SEMA6A: variants seen among roughly 807,000 people sequenced by gnomAD.
The protein encoded by SEMA6A is semaphorin-6A.
A neutral mutation model predicts 96.8 loss-of-function variants in SEMA6A; 25 were observed. The ratio of observed to expected loss-of-function variants is 0.26; its 90% CI spans 0.19 to 0.36. The LOEUF (loss-of-function observed/expected upper bound fraction) is 0.36, where lower values mean the gene tolerates loss of function less well. Ranked by LOEUF, SEMA6A falls within the 10% of genes least tolerant of loss-of-function variation. The probability of loss-of-function intolerance (pLI) is 1.00; values close to 1 mark genes in which losing one functional copy is unlikely to be tolerated. For missense variants in SEMA6A, 1,363 were observed against 1,323.1 expected, an observed-to-expected ratio of 1.03 and a Z score of -0.47; for synonymous variants, 612 against 518.0, an observed-to-expected ratio of 1.18 and a Z score of -2.46.
rs527319277 is a variant in SEMA6A, at chr5:116,447,636, C to A, written c.2070G>T (p.Glu690Asp). 1.2e-6 allele frequency: 2 copies of A among 1,613,910 alleles called. No homozygotes were observed. The highest frequency in any genetic ancestry group is 1.3e-5 in the African/African-American group (1 of 74,930). The change falls in exon 19 of 19, where the codon GAG (glutamate) becomes GAT (aspartate). Residue 690 changes from glutamate (E) to aspartate (D), a missense_variant. Glu to Asp is a conservative substitution (Grantham distance 45). Around this residue, in one of 2 missense-constraint regions of SEMA6A, gnomAD observed 883 missense variants for 763.6 expected, o/e 1.16. Transcript: ENST00000343348. ...TGGAGCCCCGGCGCGAGTGGGTGAG[C>A]TCCTTCTCCTTGCGCTGCACCACAG... ...DVAVVQRKEKELTHSRRGSMS... is the reference protein window; with the variant it reads ...DVAVVQRKEKDLTHSRRGSMS...
rs1226849255 is a variant in SEMA6A at position 116,504,936 on chromosome 5, T to C, written c.9A>G (p.Ser3=). The C allele has an allele frequency of 6.3e-7, 1 of 1,594,686 alleles. No homozygotes were observed. Among genetic ancestry groups the C allele is most frequent in the Non-Finnish European group, 8.5e-7 (1 of 1,170,042 alleles). MR[S]EALLLYFTLL... ...GTGTGAAATATAGCAGCAAGGCTTCTGACCTCATAGTAGTTCAGCGGGGAG... is the reference window on the plus strand; with the variant it reads ...GTGTGAAATATAGCAGCAAGGCTTCCGACCTCATAGTAGTTCAGCGGGGAG... Residue 3 remains serine, a synonymous_variant, in exon 2 of 19, where the codon TCA becomes TCG. Coordinates refer to ENST00000343348, the MANE Select transcript of SEMA6A (RefSeq NM_020796.5).
chr5:116,572,997 A>C (rs1441094586), intron 1 of SEMA6A, among the ~76,000 whole-genome samples: 1 of 152,154 alleles, frequency 6.6e-6, no homozygotes, highest in East Asian at 1.9e-4. Flanking sequence ...CGACGTCCAC[A>C]AGCCCGGGAC....
chr5:116,473,026 G>T, intron 17 of SEMA6A, 47 bp downstream of exon 17: 1 of 1,565,428 alleles, frequency 6.4e-7, no homozygotes, highest in Non-Finnish European at 8.7e-7. Flanking sequence ...GACATTCTCA[G>T]ATAGGTTTCC....
intron 18 of SEMA6A, among the ~76,000 whole-genome samples, chr5:116,466,715 T>A (rs1355029535): frequency 2.6e-5 from 4 of 152,176 alleles, no homozygotes; most frequent in Non-Finnish European, 4.4e-5. Context: ...AAACTCCCGC[T>A]TGGATGAAAC....
intron 1 of SEMA6A, chr5:116,507,950 T>C (rs1465763201): frequency 6.6e-6 from 1 of 152,212 alleles, no homozygotes; most frequent in Admixed American, 6.5e-5. Context: ...GGCATCTGCT[T>C]GGTGAATTTG....
At chr5:116,492,658 G>A (rs990133722) in intron 6 of SEMA6A, among the ~76,000 whole-genome samples, 2 of 152,160 alleles carry the variant, frequency 1.3e-5, no homozygotes, top group Non-Finnish European at 2.9e-5. Context: ...AATCTAATTT[G>A]GGGCTATAAC....
At chr5:116,529,624 G>A (rs1338748627) in intron 1 of SEMA6A, among the ~76,000 whole-genome samples, 1 of 152,152 alleles carries the variant, frequency 6.6e-6, no homozygotes, top group Non-Finnish European at 1.5e-5. Flanking sequence ...GTTTTCAATG[G>A]TTCCAAAACC....
At chr5:116,480,502 G>GC (rs1353529057) in intron 11 of SEMA6A, among the ~76,000 whole-genome samples, 2 of 152,156 alleles carry the variant, frequency 1.3e-5, no homozygotes, top group Non-Finnish European at 2.9e-5. Flanking sequence ...TTCAGCCTCA[G>GC]CTGGGGGCAG....
chr5:116,522,561 T>C (rs1167428657), intron 1 of SEMA6A, among the ~76,000 whole-genome samples: 4 of 152,180 alleles, frequency 2.6e-5, no homozygotes, highest in Non-Finnish European at 5.9e-5. Context: ...CTGCGTGCCA[T>C]ATGAATGGCT....
At chr5:116,551,317 T>TACACGCATACACACACAC (rs141255034) in intron 1 of SEMA6A, among the ~76,000 whole-genome samples, 1 of 142,414 alleles carries the variant, frequency 7.0e-6, no homozygotes, top group Non-Finnish European at 1.5e-5. Context: ...AGTCTTAGCA[T>TACACGCATACACACACAC]ACACACACAC....
At chr5:116,556,246 G>C (rs1760601223) in intron 1 of SEMA6A, among the ~76,000 whole-genome samples, 1 of 152,148 alleles carries the variant, frequency 6.6e-6, no homozygotes. Context: ...ATGAAATAAT[G>C]ATTACTTACT....
Position 116,478,032 on chromosome 5 carries a change from C to A in SEMA6A, c.1550G>T (p.Arg517Leu), listed in dbSNP as rs371845668. The stretch of plus-strand genomic sequence containing the variant: ...TACATACTTTTTACACTTCCCATGT[C>A]GTTCACACCGGCCAAGGGGAACCTT... ...VIKVPLGRCE[R>L]HGKCKKTCIA... Residue 517 changes from arginine (R) to leucine (L), a missense_variant, in exon 14 of 19, where the codon CGA (arginine) becomes CTA (leucine). Arg to Leu is a moderately radical substitution (Grantham distance 102). Coordinates refer to ENST00000343348, the MANE Select transcript of SEMA6A (RefSeq NM_020796.5). The A allele has an allele frequency of 1.2e-6, 2 of 1,613,946 alleles. No homozygotes were observed. The highest frequency in any genetic ancestry group is 1.7e-6 in the Non-Finnish European group (2 of 1,179,848).
intron 2 of SEMA6A, among the ~76,000 whole-genome samples, chr5:116,502,865 AG>A (rs1269523180): frequency 6.6e-6 from 1 of 152,194 alleles, no homozygotes; most frequent in East Asian, 1.9e-4. Context: ...AGCCCCTGAG[AG>A]GTTGGTTGGC....
chr5:116,474,694 T>C (rs947582425), intron 16 of SEMA6A, among the ~76,000 whole-genome samples: 1 of 152,204 alleles, frequency 6.6e-6, no homozygotes, highest in African/African-American at 2.4e-5. Context: ...GTGACTTCCG[T>C]TATAGAATCA....
chr5:116,495,132 T>C (rs939018072), intron 6 of SEMA6A, among the ~76,000 whole-genome samples: 14 of 152,212 alleles, frequency 9.2e-5, no homozygotes, highest in African/African-American at 3.1e-4. Flanking sequence ...CCACATGGTG[T>C]ACGTGGTAAG....
intron 18 of SEMA6A, among the ~76,000 whole-genome samples, chr5:116,460,655 A>G (rs980159491): frequency 6.6e-6 from 1 of 152,192 alleles, no homozygotes; most frequent in Admixed American, 6.6e-5. Context: ...CTGCAATTCA[A>G]ATAAACTGAG....
chr5:116,568,279 G>A (rs1761087285), intron 1 of SEMA6A, among the ~76,000 whole-genome samples: 1 of 152,106 alleles, frequency 6.6e-6, no homozygotes, highest in African/African-American at 2.4e-5. Context: ...CTATAAGTTA[G>A]GAAGAATAGG....
intron 1 of SEMA6A, among the ~76,000 whole-genome samples, chr5:116,548,035 T>C (rs977108913): frequency 2.0e-5 from 3 of 152,190 alleles, no homozygotes; most frequent in African/African-American, 7.2e-5. Flanking sequence ...CACTTACATT[T>C]ACATCTGCAA....
chr5:116,513,153 G>A (rs1319573949), intron 1 of SEMA6A, among the ~76,000 whole-genome samples: 1 of 151,774 alleles, frequency 6.6e-6, no homozygotes, highest in African/African-American at 2.4e-5. Context: ...CCGCGACGGA[G>A]TTTCGCTCTT....
Sources: gnomAD v4.1 joint callset for allele counts (sites outside exome capture counted in the v4.1 genomes callset) on GRCh38, gnomAD v4.1.1 for gene constraint, gnomAD v4.1.1 regional missense constraint, MANE v1.5 for transcripts, NCBI Gene and HGNC (gene_info 2026-07-23, HGNC 2026-07-21) for gene names.